Variants in DCX observed in about 807,000 individuals in gnomAD.
DCX encodes the protein neuronal migration protein doublecortin.
A neutral mutation model predicts 20.9 loss-of-function variants in DCX; 4 were observed. That is an observed-to-expected ratio of 0.19 (90% CI 0.09 to 0.44). The LOEUF (loss-of-function observed/expected upper bound fraction) is 0.44, where lower values mean the gene tolerates loss of function less well. DCX is among the 20% of genes least tolerant of loss of function. DCX has a pLI of 0.99. For synonymous variants in DCX, 103 were observed against 111.4 expected, an observed-to-expected ratio of 0.92 and a Z score of 0.47; for missense variants, 133 against 296.9, an observed-to-expected ratio of 0.45 and a Z score of 4.06.
intron 3 of DCX, among the ~76,000 whole-genome samples, chrX:111,386,445 G>A (rs997025409): frequency 9.0e-6 from 1 of 110,995 alleles, no homozygotes; most frequent in Non-Finnish European, 1.9e-5. Context: ...CCATGAGAGT[G>A]TCCCCTCTAA....
chrX:111,374,463 T>C (rs1016662149), intron 3 of DCX, among the ~76,000 whole-genome samples: 1 of 111,702 alleles, frequency 9.0e-6, no homozygotes, highest in Non-Finnish European at 1.9e-5. Flanking sequence ...TAAAATTGTA[T>C]ACTCACATAC....
At chrX:111,372,661 C>T (rs1383607108) in intron 3 of DCX, among the ~76,000 whole-genome samples, 3 of 111,120 alleles carry the variant, frequency 2.7e-5, no homozygotes, top group Admixed American at 9.6e-5. Context: ...GAGTGGCATG[C>T]CCTGGGCAGG....
intron 3 of DCX, among the ~76,000 whole-genome samples, chrX:111,345,331 G>A (rs996615241): frequency 6.3e-5 from 7 of 111,770 alleles, no homozygotes; most frequent in African/African-American, 2.0e-4. Flanking sequence ...ACATAGGCAC[G>A]GACAAAGACT....
chrX:111,345,278 A>C (rs2147661672), intron 3 of DCX, among the ~76,000 whole-genome samples: 1 of 112,275 alleles, frequency 8.9e-6, no homozygotes, highest in African/African-American at 3.2e-5. Context: ...AAAACCCAAA[A>C]CCATAAGAAC....
chrX:111,357,185 T>C (rs1430336048), intron 3 of DCX, among the ~76,000 whole-genome samples: 1 of 111,904 alleles, frequency 8.9e-6, no homozygotes, highest in African/African-American at 3.3e-5. Flanking sequence ...TGGTTAATAG[T>C]GAGAAATAGC....
chrX:111,301,883 A>G (rs1413756310), intron 6 of DCX, 140 bp from the exon 7 acceptor site: 1 of 578,377 alleles, frequency 1.7e-6, no homozygotes, highest in Non-Finnish European at 2.8e-6. Context: ...GAAAAAATGT[A>G]CAGGGAGGTA....
intron 3 of DCX, among the ~76,000 whole-genome samples, chrX:111,336,803 G>A (rs1921773716): frequency 1.8e-5 from 2 of 112,170 alleles, no homozygotes; most frequent in Non-Finnish European, 1.9e-5. Flanking sequence ...CTATGCATTA[G>A]AACATCTTAC....
At chrX:111,400,349 A>G (rs1264115214) in intron 3 of DCX, among the ~76,000 whole-genome samples, 1 of 112,193 alleles carries the variant, frequency 8.9e-6, no homozygotes, top group Non-Finnish European at 1.9e-5. Flanking sequence ...TGGAGGGGGA[A>G]CAGATGGCAG....
At chrX:111,311,612 C>T (rs1011738238) in intron 6 of DCX, among the ~76,000 whole-genome samples, 1 of 112,009 alleles carries the variant, frequency 8.9e-6, no homozygotes, top group African/African-American at 3.2e-5. Context: ...GGCTCTGGCA[C>T]ACCACTGGTG....
intron 3 of DCX, among the ~76,000 whole-genome samples, chrX:111,389,496 T>A (rs1926772962): frequency 1.8e-5 from 2 of 111,739 alleles, no homozygotes; most frequent in South Asian, 7.6e-4. Context: ...CAGATCCATA[T>A]CTATCACTTT....
At chrX:111,345,669 A>G (rs1922741409) in intron 3 of DCX, among the ~76,000 whole-genome samples, 1 of 111,780 alleles carries the variant, frequency 8.9e-6, no homozygotes, top group African/African-American at 3.3e-5. Context: ...TCATTAGAGA[A>G]ATGCAAATCA....
At chrX:111,332,228 T>C (rs1252941343) in intron 4 of DCX, among the ~76,000 whole-genome samples, 2 of 112,376 alleles carry the variant, frequency 1.8e-5, no homozygotes, top group African/African-American at 3.2e-5. Context: ...ACAGAAGGTA[T>C]AGGAAATTGG....
rs2095020811 is a variant in DCX, at chrX:111,296,384, C to G, written c.*5303G>C. 9.0e-6 allele frequency: 1 copy of G among 111,579 alleles called. No homozygotes were observed. Among genetic ancestry groups the G allele is most frequent in the Admixed American group, 9.5e-5 (1 of 10,514 alleles). 9.2% of individuals were successfully genotyped at this position (111,579 alleles called of 1,213,427 possible). ...AATTGGAATTCTATACTCCCCTAGT[C>G]TCAGGCATCCAAGGTAAGAAAAAAT... On this transcript the variant is annotated 3_prime_UTR_variant, in exon 7 of 7. Transcript: ENST00000636035.
chrX:111,405,385 C>G (rs1382908702), intron 2 of DCX, among the ~76,000 whole-genome samples: 1 of 112,182 alleles, frequency 8.9e-6, no homozygotes, highest in Non-Finnish European at 1.9e-5. Flanking sequence ...AATGTACTTG[C>G]TTTAGTAGTT....
At chrX:111,361,390 G>T (rs776806925) in intron 3 of DCX, among the ~76,000 whole-genome samples, 3 of 111,926 alleles carry the variant, frequency 2.7e-5, no homozygotes, top group Non-Finnish European at 5.6e-5. Flanking sequence ...TTTTTGTTTT[G>T]CATGGGACAT....
At chrX:111,396,575 T>C (rs1339193275) in intron 3 of DCX, among the ~76,000 whole-genome samples, 1 of 112,375 alleles carries the variant, frequency 8.9e-6, no homozygotes, top group African/African-American at 3.2e-5. Context: ...AACATGTATC[T>C]ATTAAACTAC....
chrX:111,384,345 C>T (rs903177883), intron 3 of DCX, among the ~76,000 whole-genome samples: 3 of 111,187 alleles, frequency 2.7e-5, no homozygotes, highest in Non-Finnish European at 5.7e-5. Flanking sequence ...TCCATTCATT[C>T]GTTCATTCAA....
intron 2 of DCX, among the ~76,000 whole-genome samples, chrX:111,403,571 A>G (rs746293458): frequency 2.0e-3 from 219 of 111,853 alleles, no homozygotes; most frequent in African/African-American, 6.6e-3. Context: ...TGGGCTGAAT[A>G]TGGAGTAATG....
chrX:111,377,410 G>A (rs780059543), intron 3 of DCX, among the ~76,000 whole-genome samples: 6 of 111,668 alleles, frequency 5.4e-5, no homozygotes, highest in East Asian at 2.9e-4. Context: ...TCCAAACACT[G>A]AAAGCATTAC....
Sources: gnomAD v4.1 joint callset for allele counts (sites outside exome capture counted in the v4.1 genomes callset) on GRCh38, gnomAD v4.1.1 for gene constraint, MANE v1.5 for transcripts, NCBI Gene and HGNC (gene_info 2026-07-23, HGNC 2026-07-21) for gene names.